GTF2F2: variants seen among roughly 807,000 people sequenced by gnomAD.
The protein encoded by GTF2F2 is general transcription factor IIF subunit 2, also known as ATP-dependent helicase GTF2F2.
In GTF2F2, 23 loss-of-function variants were observed where a neutral mutation model predicts 42.2. The ratio of observed to expected loss-of-function variants is 0.55; its 90% CI spans 0.39 to 0.77. The LOEUF (loss-of-function observed/expected upper bound fraction) is 0.77, where lower values mean the gene tolerates loss of function less well. Among genes scored for constraint, GTF2F2 ranks in the 30% least tolerant of loss-of-function variants. The probability of loss-of-function intolerance (pLI) is 0.00; values close to 1 mark genes in which losing one functional copy is unlikely to be tolerated. For synonymous variants in GTF2F2, 105 were observed against 100.8 expected (o/e 1.04, Z -0.25); for missense variants, 261 against 287.2 (o/e 0.91, Z 0.66).
At chr13:45,271,916 G>GA (rs1048395180) in intron 7 of GTF2F2, among the ~76,000 whole-genome samples, 3 of 151,770 alleles carry the variant, frequency 2.0e-5, no homozygotes, top group African/African-American at 7.3e-5. Context: ...ACTCCAAAAG[G>GA]AAAAATAGGT....
At chr13:45,142,191 G>A (rs1593451454) in intron 2 of GTF2F2, among the ~76,000 whole-genome samples, 1 of 152,314 alleles carries the variant, frequency 6.6e-6, no homozygotes, top group East Asian at 1.9e-4. Flanking sequence ...TTTTGAGATG[G>A]AGTCTGGCTC....
chr13:45,182,819 C>T (rs1019839240), intron 4 of GTF2F2, among the ~76,000 whole-genome samples: 1 of 152,098 alleles, frequency 6.6e-6, no homozygotes, highest in African/African-American at 2.4e-5. Flanking sequence ...AGGCTTCTTT[C>T]CTGGTTATCC....
chr13:45,126,840 G>A (rs1156276830), intron 1 of GTF2F2, among the ~76,000 whole-genome samples: 4 of 152,174 alleles, frequency 2.6e-5, no homozygotes. Flanking sequence ...AGTCAAGGGA[G>A]GTTTCCTTGA....
At chr13:45,122,529 G>A (rs535595141) in intron 1 of GTF2F2, among the ~76,000 whole-genome samples, 22 of 152,122 alleles carry the variant, frequency 1.4e-4, no homozygotes, top group Non-Finnish European at 2.4e-4. Context: ...AGCTACTTGG[G>A]AGGCTGAGGC....
intron 6 of GTF2F2, among the ~76,000 whole-genome samples, chr13:45,266,666 T>C (rs894409649): frequency 1.3e-5 from 2 of 152,148 alleles, no homozygotes; most frequent in Non-Finnish European, 2.9e-5. Flanking sequence ...AAAGGCCTTT[T>C]TGGGGGGAAA....
At chr13:45,210,530 T>A (rs947992528) in intron 5 of GTF2F2, among the ~76,000 whole-genome samples, 1 of 152,252 alleles carries the variant, frequency 6.6e-6, no homozygotes, top group Non-Finnish European at 1.5e-5. Context: ...CTATGTAGTT[T>A]ACTTATATTT....
chr13:45,230,220 TA>T (rs554982229), intron 5 of GTF2F2, among the ~76,000 whole-genome samples: 83 of 140,120 alleles, frequency 5.9e-4, no homozygotes, highest in Middle Eastern at 3.8e-3. Flanking sequence ...CATCTCAAAA[TA>T]AAAAAAAAAA....
chr13:45,195,528 C>CTTGTTTGT (rs10564668), intron 4 of GTF2F2, among the ~76,000 whole-genome samples: 1 of 151,858 alleles, frequency 6.6e-6, no homozygotes, highest in Non-Finnish European at 1.5e-5. Context: ...AAGTTAGTTT[C>CTTGTTTGT]TTGTTTGTTT....
intron 6 of GTF2F2, among the ~76,000 whole-genome samples, chr13:45,259,647 C>CTT (rs1172870085): frequency 2.5e-4 from 18 of 72,224 alleles, no homozygotes; most frequent in African/African-American, 3.2e-4. Context: ...AAACCTAGAA[C>CTT]TTTTTTTTTT....
At chr13:45,177,628 A>T (rs1871947442) in intron 4 of GTF2F2, among the ~76,000 whole-genome samples, 1 of 152,176 alleles carries the variant, frequency 6.6e-6, no homozygotes. Flanking sequence ...TTACTTAATA[A>T]TGGCCCCAAA....
intron 5 of GTF2F2, among the ~76,000 whole-genome samples, chr13:45,244,568 T>A (rs1311464910): frequency 6.6e-6 from 1 of 152,228 alleles, no homozygotes; most frequent in African/African-American, 2.4e-5. Flanking sequence ...ATAGAAAGAC[T>A]AGTAATTCAA....
intron 7 of GTF2F2, among the ~76,000 whole-genome samples, chr13:45,276,853 A>G (rs537025151): frequency 1.3e-5 from 2 of 152,242 alleles, no homozygotes; most frequent in African/African-American, 4.8e-5. Flanking sequence ...AGTGCTGGAT[A>G]GAGGAGATGT....
chr13:45,189,755 C>A (rs1277096285), intron 4 of GTF2F2, among the ~76,000 whole-genome samples: 5 of 151,796 alleles, frequency 3.3e-5, no homozygotes, highest in African/African-American at 9.7e-5. Flanking sequence ...CCATTCAGGA[C>A]ATAGGCATGA....
intron 5 of GTF2F2, among the ~76,000 whole-genome samples, chr13:45,217,026 C>T (rs967930453): frequency 1.3e-5 from 2 of 151,548 alleles, no homozygotes. Context: ...ATGGGCCGGG[C>T]GCAGTGGCTC....
rs184219269 is a variant in GTF2F2, at chr13:45,221,180, T to G, written c.386+13675T>G. On this transcript the variant is annotated intron_variant, in intron 5 of 7. Coordinates refer to ENST00000340473, the MANE Select transcript of GTF2F2 (RefSeq NM_004128.3). ...AATGCAGTGTCCTCCCTGCCCCCAG[T>G]CTTACCCATTTTTTACGCAGTTTCT... is the stretch of plus-strand genomic sequence containing the variant. Among the ~76,000 whole-genome samples the G allele has an allele frequency of 1.1e-4, 16 of 152,198 alleles. 1 individual carries two copies. Among genetic ancestry groups the G allele is most frequent in the Admixed American group, 7.9e-4 (12 of 15,276 alleles).
At chr13:45,259,778 C>A (rs1376398255) in intron 6 of GTF2F2, among the ~76,000 whole-genome samples, 3 of 151,050 alleles carry the variant, frequency 2.0e-5, no homozygotes, top group Non-Finnish European at 4.4e-5. Flanking sequence ...CTGCCTCAGC[C>A]TCCCAAGTAG....
intron 5 of GTF2F2, among the ~76,000 whole-genome samples, chr13:45,245,666 A>AATATATATAT (rs372488927): frequency 2.1e-3 from 228 of 110,764 alleles, no homozygotes; most frequent in Middle Eastern, 4.5e-3. Flanking sequence ...CCATGGTGTG[A>AATATATATAT]ATATATATAT....
At chr13:45,194,465 T>C (rs1593483632) in intron 4 of GTF2F2, 1 of 1,614,128 alleles carries the variant, frequency 6.2e-7, no homozygotes, top group Non-Finnish European at 8.5e-7. Context: ...TTGAGGGTCA[T>C]CAGTGTGGAT....
At chr13:45,148,500 C>G (rs564396927) in intron 2 of GTF2F2, among the ~76,000 whole-genome samples, 1 of 152,232 alleles carries the variant, frequency 6.6e-6, no homozygotes, top group South Asian at 2.1e-4. Context: ...TATTTCCCCA[C>G]TTCAACTTAT....
Sources: allele counts gnomAD v4.1 joint callset (sites outside exome capture counted in the v4.1 genomes callset), GRCh38; gene constraint gnomAD v4.1.1; transcripts MANE v1.5; gene names NCBI Gene and HGNC (gene_info 2026-07-23, HGNC 2026-07-21).